The following MTUS1 variants were observed in gnomAD, a reference collection of about 807,000 sequenced individuals.
The protein encoded by MTUS1 is microtubule-associated tumor suppressor 1.
A neutral mutation model predicts 120.8 loss-of-function variants in MTUS1; 109 were observed. That is an observed-to-expected ratio of 0.90 (90% confidence interval 0.77 to 1.06). The LOEUF (loss-of-function observed/expected upper bound fraction) is 1.06. MTUS1 is among the 50% of genes least tolerant of loss of function. MTUS1 has a pLI of 0.00. For missense variants in MTUS1, 2,210 were observed against 1,486.3 expected (o/e 1.49, Z -8.01); for synonymous variants, 737 against 550.5 (o/e 1.34, Z -4.74).
chr8:17,774,175 C>A (rs1436013255), intron 1 of MTUS1, among the ~76,000 whole-genome samples: 1 of 152,170 alleles, frequency 6.6e-6, no homozygotes, highest in Admixed American at 6.5e-5. Context: ...CTCTTAATAG[C>A]ATTCTGTTAA....
chr8:17,686,622 G>C (rs945006678), intron 6 of MTUS1, among the ~76,000 whole-genome samples: 1 of 152,120 alleles, frequency 6.6e-6, no homozygotes, highest in Admixed American at 6.5e-5. Flanking sequence ...GCTAATCAAC[G>C]CTATTTTTAA....
In MTUS1 at chr8:17,648,876, C is replaced by T. The variant is rs539083926; in HGVS notation, c.3501+970G>A. On this transcript the variant is annotated intron_variant, in intron 13 of 14. Coordinates refer to ENST00000693296, the MANE Select transcript of MTUS1 (RefSeq NM_001363059.2). ...AGTCAACAGCAAGGCACCGCGAGGG[C>T]GGGGATCACTTAAGCTGCCTTGCCA... 1.2e-4 allele frequency among the ~76,000 whole-genome samples: 19 copies of T among 152,296 alleles called. No individual in the cohort carries two copies. In the South Asian group the frequency reaches 1.9e-3, roughly 15 times the overall value.
intron 1 of MTUS1, among the ~76,000 whole-genome samples, chr8:17,769,616 G>A (rs1009294868): frequency 6.6e-6 from 1 of 151,906 alleles, no homozygotes; most frequent in Non-Finnish European, 1.5e-5. Context: ...CAAAGTGCTG[G>A]GATTACAGGC....
chr8:17,756,097 C>T (rs7387668), intron 1 of MTUS1, 136 bp from the exon 2 acceptor site: 266,548 of 330,302 alleles, frequency 0.81, 108,259 homozygotes, highest in South Asian at 0.86. Flanking sequence ...ATGTGGGTAA[C>T]TGAGATATAA....
At chr8:17,681,582 T>C (rs1027110387) in intron 7 of MTUS1, 3 of 154,948 alleles carry the variant, frequency 1.9e-5, no homozygotes, top group African/African-American at 4.8e-5. Flanking sequence ...TTAGTAAATA[T>C]TAGGCTGGTG....
intron 1 of MTUS1, among the ~76,000 whole-genome samples, chr8:17,789,267 G>A (rs1296971789): frequency 6.6e-6 from 1 of 152,076 alleles, no homozygotes; most frequent in Non-Finnish European, 1.5e-5. Flanking sequence ...CCAATCTCAG[G>A]TGATCTGCCC....
intron 1 of MTUS1, among the ~76,000 whole-genome samples, chr8:17,763,623 G>A (rs1194658135): frequency 2.0e-5 from 3 of 152,004 alleles, no homozygotes; most frequent in Non-Finnish European, 4.4e-5. Flanking sequence ...CCAGGACGAC[G>A]GTGCACTGAG....
At chr8:17,739,513 A>AATT (rs2047163982) in intron 3 of MTUS1, among the ~76,000 whole-genome samples, 3 of 151,708 alleles carry the variant, frequency 2.0e-5, no homozygotes, top group African/African-American at 7.3e-5. Context: ...ATAAATAAAT[A>AATT]AATTAATAAA....
Position 17,755,694 on chromosome 8 carries a change from G to A in MTUS1, c.114C>T (p.Asn38=). Residue 38 remains asparagine (N), a synonymous_variant, in exon 2 of 15, where the codon AAC becomes AAT. Transcript: ENST00000693296. ...TCCAGTTCACACTGCTGGCTGAAGA[G>A]TTTTGTGTAGGTGGTGATTTCGGGT... ...AYNPKSPPTQ[N]SSASSVNWNS... 1 of 1,614,204 alleles carries A rather than the reference G, an allele frequency of 6.2e-7. No homozygotes were observed. The highest frequency in any genetic ancestry group is 8.5e-7 in the Non-Finnish European group (1 of 1,180,040).
At chr8:17,795,151 AAAGAT>A (rs2052119047) in intron 1 of MTUS1, among the ~76,000 whole-genome samples, 2 of 152,348 alleles carry the variant, frequency 1.3e-5, no homozygotes, top group African/African-American at 4.8e-5. Context: ...AAAAAGCATA[AAAGAT>A]AAGCTAACTA....
intron 7 of MTUS1, among the ~76,000 whole-genome samples, chr8:17,675,716 CT>C (rs1244602331): frequency 6.6e-6 from 1 of 152,106 alleles, no homozygotes; most frequent in Non-Finnish European, 1.5e-5. Flanking sequence ...GCCAATCCTT[CT>C]AAAAGAAAGA....
At chr8:17,775,349 A>G (rs1397125070) in intron 1 of MTUS1, among the ~76,000 whole-genome samples, 1 of 152,130 alleles carries the variant, frequency 6.6e-6, no homozygotes, top group Non-Finnish European at 1.5e-5. Flanking sequence ...AACCTTCCCA[A>G]TCTACAGAAT....
In MTUS1 at chr8:17,755,767, A is replaced by C. The variant is rs1349982280; in HGVS notation, c.41T>G (p.Leu14Trp). 1 of 1,613,840 alleles carries C rather than the reference A, an allele frequency of 6.2e-7. No homozygotes were observed. The highest frequency in any genetic ancestry group is 8.5e-7 in the Non-Finnish European group (1 of 1,179,912). ...DNSDDKIEDE[L>W]QTFFTSDKDG... is the part of the protein sequence containing the mutation. ...TTTATCACTGGTAAAGAAGGTTTGC[A>C]ATTCATCTTCTATTTTATCATCTGA... The change falls in exon 2 of 15, where the codon TTG (leucine) becomes TGG (tryptophan). Residue 14 changes from leucine to tryptophan, a missense_variant. By Grantham distance (61) the Leu-to-Trp change is moderately conservative. Coordinates refer to ENST00000693296, the MANE Select transcript of MTUS1 (RefSeq NM_001363059.2).
At chr8:17,792,548 G>T (rs1374443156) in intron 1 of MTUS1, among the ~76,000 whole-genome samples, 1 of 152,162 alleles carries the variant, frequency 6.6e-6, no homozygotes, top group Admixed American at 6.6e-5. Flanking sequence ...CTTTGCAGAG[G>T]TGCCATCAAA....
intron 6 of MTUS1, chr8:17,697,288 C>T (rs746603086): frequency 6.2e-7 from 1 of 1,614,014 alleles, no homozygotes; most frequent in Non-Finnish European, 8.5e-7. Context: ...TTCTCCTAAA[C>T]CCTGAAGGAA....
chr8:17,767,707 A>AAAAAAAAAAAAACAAACAAACAAAC (rs1554533231), intron 1 of MTUS1, among the ~76,000 whole-genome samples: 1 of 144,444 alleles, frequency 6.9e-6, no homozygotes, highest in Admixed American at 7.0e-5. Context: ...TCTTAAAAAA[A>AAAAAAAAAAAAACAAACAAACAAAC]AAAAAAAAAA....
intron 7 of MTUS1, among the ~76,000 whole-genome samples, chr8:17,683,595 CT>C (rs202078505): frequency 2.6e-5 from 4 of 151,520 alleles, no homozygotes; most frequent in Non-Finnish European, 5.9e-5. Context: ...CTGAGCCAGT[CT>C]TTTTTTTTCC....
At position 17,694,727 on chromosome 8, in the gene MTUS1, G is replaced by A. The variant is rs369130164; in HGVS notation, c.2624-10185C>T. Among the ~76,000 whole-genome samples, 28 of 152,214 alleles carry A rather than the reference G, an allele frequency of 1.8e-4. No homozygotes were observed. The East Asian group carries it at 5.2e-3, about 28-fold the overall frequency. The stretch of plus-strand genomic sequence containing the variant: ...GTGGGGTTTGATGACCAGACACATG[G>A]TGTCATGAAAAGAAACAGATAATTC... On this transcript the variant is annotated intron_variant, in intron 6 of 14. Transcript: ENST00000693296.
intron 1 of MTUS1, among the ~76,000 whole-genome samples, chr8:17,760,818 A>C (rs2048984348): frequency 6.6e-6 from 1 of 152,108 alleles, no homozygotes; most frequent in African/African-American, 2.4e-5. Flanking sequence ...AAAAAAAAAA[A>C]AAAACTTGAA....
Sources: allele counts gnomAD v4.1 joint callset (sites outside exome capture counted in the v4.1 genomes callset), GRCh38; gene constraint gnomAD v4.1.1; transcripts MANE v1.5; gene names NCBI Gene and HGNC (gene_info 2026-07-23, HGNC 2026-07-21).